The following CDC6 variants were observed in gnomAD, a reference collection of about 807,000 sequenced individuals.
The protein encoded by CDC6 is cell division cycle 6.
A neutral mutation model predicts 60.2 loss-of-function variants in CDC6; 46 were observed. The observed-to-expected ratio is 0.76, with a 90% CI of 0.60 to 0.98. CDC6 has a LOEUF of 0.98. Among genes scored for constraint, CDC6 ranks in the 50% least tolerant of loss-of-function variants. The pLI is 0.00. For synonymous variants in CDC6, 210 were observed against 233.2 expected (o/e 0.90, Z 0.90); for missense variants, 596 against 652.9 (o/e 0.91, Z 0.95).
Position 40,289,505 on chromosome 17 carries a change from T to C in CDC6, c.85T>C (p.Ser29Pro). The C allele has an allele frequency of 6.2e-7, 1 of 1,613,900 alleles. No individual in the cohort carries two copies. The highest frequency in any genetic ancestry group is 8.5e-7 in the Non-Finnish European group (1 of 1,179,954). ...LSRALNKAKN[S>P]SDAKLEPTNV... ...TCGGGCATTGAACAAAGCTAAAAAC[T>C]CCAGTGATGCCAAACTAGAACCAAC... Residue 29 changes from serine to proline, a missense_variant, in exon 2 of 12, where the codon TCC becomes CCC. Coordinates refer to ENST00000209728, the MANE Select transcript of CDC6 (RefSeq NM_001254.4).
chr17:40,291,380 C>T lies in CDC6; in HGVS notation c.460+41C>T, dbSNP rs780155357. The T allele has an allele frequency of 1.4e-5, 22 of 1,612,756 alleles. No homozygotes were observed. In the East Asian group the frequency reaches 4.9e-4, roughly 36 times the overall value. On this transcript the variant is annotated intron_variant, in intron 3 of 11. Transcript: ENST00000209728. Reference sequence around the variant, plus strand: ...GCAACTGTTAGTGCAGCCATTGTAACCAAGGCTGATGACTCCAAATGAAAC... The same window carrying T: ...GCAACTGTTAGTGCAGCCATTGTAATCAAGGCTGATGACTCCAAATGAAAC...
chr17:40,293,606 ATG>A lies in CDC6; in HGVS notation c.812_813del (p.Met271AsnfsTer31), dbSNP rs1374801496. 1 of 1,613,640 alleles carries A rather than the reference ATG, an allele frequency of 6.2e-7. No individual in the cohort carries two copies. Among genetic ancestry groups the A allele is most frequent in the Admixed American group, 1.7e-5 (1 of 60,026 alleles). The part of the protein sequence containing the change: ...KDMMRKLEKH[M>X]TAEKGPMIVL... ...CATGATGAGGAAATTGGAAAAACAT[ATG>A]ACTGCAGAGAAGGGCCCCATGATGT... On this transcript the variant is annotated frameshift_variant, in exon 5 of 12. Transcript: ENST00000209728. LOFTEE classifies it high-confidence loss of function.
chr17:40,291,197 T>C lies in CDC6; in HGVS notation c.318T>C (p.Ser106=), dbSNP rs1356760714. ...TTGACAATCAGCTGACAATTAAGTC[T>C]CCTAGCAAAAGAGAACTAGCCAAAG... ...LVFDNQLTIK[S]PSKRELAKVH... Residue 106 remains serine (S), a synonymous_variant, in exon 3 of 12, where the codon TCT becomes TCC. Transcript: ENST00000209728. The C allele has an allele frequency of 2.5e-6, 4 of 1,614,072 alleles. No individual in the cohort carries two copies. The African/African-American group carries it at 5.3e-5, about 22-fold the overall frequency.
At chr17:40,291,011 C>G in intron 2 of CDC6, 47 bp from the exon 3 acceptor site, 2 of 1,587,242 alleles carry the variant, frequency 1.3e-6, no homozygotes, top group Non-Finnish European at 1.7e-6. Flanking sequence ...CATCCTTTTA[C>G]TATCCAATGC....
intron 4 of CDC6, among the ~76,000 whole-genome samples, chr17:40,292,707 A>T (rs905659572): frequency 3.3e-5 from 5 of 151,860 alleles, no homozygotes; most frequent in Non-Finnish European, 7.4e-5. Flanking sequence ...AGGCGGGCGG[A>T]TCATGAGGTT....
intron 1 of CDC6, among the ~76,000 whole-genome samples, chr17:40,288,482 G>A (rs2032695777): frequency 6.6e-6 from 1 of 151,734 alleles, no homozygotes; most frequent in African/African-American, 2.4e-5. Context: ...GCAGTGGTGC[G>A]ATCTCGGCTC....
chr17:40,289,439 C>A lies in CDC6; in HGVS notation c.19C>A (p.Gln7Lys). The change falls in exon 2 of 12, where the codon CAG becomes AAG. Residue 7 changes from glutamine to lysine, a missense_variant. Gln to Lys is a moderately conservative substitution (Grantham distance 53). Transcript: ENST00000209728. ...TGTCGTCATGCCTCAAACCCGATCC[C>A]AGGCACAGGCTACAATCAGTTTTCC... MPQTRSQAQATISFPKR... is the reference protein window; with the variant it reads MPQTRSKAQATISFPKR... The A allele has an allele frequency of 6.2e-7, 1 of 1,613,992 alleles. No individual in the cohort carries two copies. Among genetic ancestry groups the A allele is most frequent in the South Asian group, 1.1e-5 (1 of 91,076 alleles).
chr17:40,299,443 G>C (rs942834302), intron 9 of CDC6, among the ~76,000 whole-genome samples: 2 of 151,116 alleles, frequency 1.3e-5, no homozygotes, highest in Non-Finnish European at 2.9e-5. Context: ...ATAGGCCCCA[G>C]TGTGTGTTGT....
rs928744647 is a variant in CDC6 at position 40,302,350 on chromosome 17, G to GTTT, written c.*355_*357dup. 20 of 265,276 alleles carry GTTT rather than the reference G, an allele frequency of 7.5e-5. No homozygotes were observed. The East Asian group carries it at 2.0e-3, about 27-fold the overall frequency. 16.4% of individuals were successfully genotyped at this position (265,276 alleles called of 1,614,324 possible). On this transcript the variant is annotated 3_prime_UTR_variant, in exon 12 of 12. Coordinates refer to ENST00000209728, the MANE Select transcript of CDC6 (RefSeq NM_001254.4). ...AACATGAGTGGGTATTTTTTTGTTT[G>GTTT]TTTTTTTTGTTGTTGTTGTTTTTGA...
At position 40,291,466 on chromosome 17, in the gene CDC6, C is replaced by CA; in HGVS notation, c.461-2dup. On this transcript the variant is annotated splice_polypyrimidine_tract_variant and splice_region_variant and intron_variant, in intron 3 of 11. Coordinates refer to ENST00000209728, the MANE Select transcript of CDC6 (RefSeq NM_001254.4). ...TCTAATTGACCTTTTATGTCTGGCA[C>CA]AGGCACTTGCTACCAGCAAGCAAAG... 2 of 1,614,174 alleles carry CA rather than the reference C, an allele frequency of 1.2e-6. No homozygotes were observed. The highest frequency in any genetic ancestry group is 1.7e-6 in the Non-Finnish European group (2 of 1,180,012).
At chr17:40,300,780 ACACAG>A in intron 9 of CDC6, 43 bp from the exon 10 acceptor site, 1 of 1,375,632 alleles carries the variant, frequency 7.3e-7, no homozygotes. Flanking sequence ...ACATACACAC[ACACAG>A]TATTTTAGAA....
At chr17:40,289,829 C>T (rs2032725711) in intron 2 of CDC6, among the ~76,000 whole-genome samples, 1 of 150,808 alleles carries the variant, frequency 6.6e-6, no homozygotes, top group African/African-American at 2.4e-5. Flanking sequence ...CTGCCTCAGC[C>T]TCCCAAGTAG....
intron 9 of CDC6, among the ~76,000 whole-genome samples, chr17:40,299,751 GAA>G (rs71300055): frequency 1.0e-4 from 8 of 77,662 alleles, no homozygotes; most frequent in Non-Finnish European, 1.4e-4. Context: ...ATACCAAAAA[GAA>G]AAAAAAAAAA....
chr17:40,295,315 T>C, intron 7 of CDC6, 41 bp from the exon 8 acceptor site: 1 of 1,289,382 alleles, frequency 7.8e-7, no homozygotes, highest in Non-Finnish European at 1.1e-6. Flanking sequence ...AGAGGGAGAA[T>C]CTTATGGTTC....
intron 8 of CDC6, among the ~76,000 whole-genome samples, chr17:40,296,279 T>C (rs150745364): frequency 1.3e-5 from 2 of 152,280 alleles, no homozygotes; most frequent in East Asian, 3.9e-4. Flanking sequence ...AGGTTTGGTG[T>C]GTATGGGTGA....
rs550436409 is a variant in CDC6, at chr17:40,291,649, G to A, written c.641G>A (p.Arg214Gln). ...ACTGGAAAAACTGCCTGCTTAAGCC[G>A]GATTCTGCAAGACCTCAAGGTACAT... ...PGTGKTACLSRILQDLKKELK... is the reference protein window; with the variant it reads ...PGTGKTACLSQILQDLKKELK... The change falls in exon 4 of 12, where the codon CGG (arginine) becomes CAG (glutamine). Residue 214 changes from arginine (R) to glutamine (Q), a missense_variant. Transcript: ENST00000209728. 36 of 1,613,976 alleles carry A rather than the reference G, an allele frequency of 2.2e-5. No homozygotes were observed. The highest frequency in any genetic ancestry group is 1.3e-4 in the African/African-American group (10 of 74,912).
In CDC6 at chr17:40,293,059, C is replaced by T. The variant is rs2032792278; in HGVS notation, c.661-397C>T. 2.0e-5 allele frequency among the ~76,000 whole-genome samples: 3 copies of T among 151,628 alleles called. No individual in the cohort carries two copies. The South Asian group carries it at 6.3e-4, about 32-fold the overall frequency. On this transcript the variant is annotated intron_variant, in intron 4 of 11. Transcript: ENST00000209728. Reference sequence around the variant, plus strand: ...TTCAAGACCAGCCTGGCCAATGTGGCGAAACCCCATCTCTACTAAAAATAT... The same window carrying T: ...TTCAAGACCAGCCTGGCCAATGTGGTGAAACCCCATCTCTACTAAAAATAT...
intron 7 of CDC6, 138 bp downstream of exon 7, chr17:40,294,641 C>T (rs76109505): frequency 9.6e-6 from 7 of 728,638 alleles, no homozygotes; most frequent in African/African-American, 7.1e-5. Context: ...ATAGTGAGAA[C>T]ATTTTTATGT....
At position 40,301,614 on chromosome 17, in the gene CDC6, A is replaced by G. The variant is rs776643507; in HGVS notation, c.1593+6A>G. ...AGGAAACCCGTTTGACAAAGGTACA[A>G]CTGCTTTTTTGTGACAGTGTTTTTA... On this transcript the variant is annotated splice_donor_region_variant and intron_variant, in intron 11 of 11. Coordinates refer to ENST00000209728, the MANE Select transcript of CDC6 (RefSeq NM_001254.4). 56 of 1,613,860 alleles carry G rather than the reference A, an allele frequency of 3.5e-5. No individual in the cohort carries two copies. Among genetic ancestry groups the G allele is most frequent in the Non-Finnish European group, 4.7e-5 (55 of 1,179,832 alleles).
Sources: gnomAD v4.1 joint callset for allele counts (sites outside exome capture counted in the v4.1 genomes callset) on GRCh38, gnomAD v4.1.1 for gene constraint, MANE v1.5 for transcripts, NCBI Gene and HGNC (gene_info 2026-07-23, HGNC 2026-07-21) for gene names.